The following CNBD1 variants were observed in gnomAD, a reference collection of about 807,000 sequenced individuals.
CNBD1 encodes cyclic nucleotide binding domain containing 1.
A neutral mutation model predicts 54.4 loss-of-function variants in CNBD1; 71 were observed. That is an observed-to-expected ratio of 1.30 (90% CI 1.08 to 1.59). The LOEUF (loss-of-function observed/expected upper bound fraction) is 1.59, where lower values mean the gene tolerates loss of function less well. Among genes scored for constraint, CNBD1 ranks in the 40% most tolerant of loss-of-function variants. The probability of loss-of-function intolerance (pLI) is 0.00; values close to 1 mark genes in which losing one functional copy is unlikely to be tolerated. For synonymous variants in CNBD1, 182 were observed against 170.7 expected (o/e 1.07, Z -0.51); for missense variants, 659 against 518.0 (o/e 1.27, Z -2.64).
chr8:87,092,591 T>A (rs1254200067), intron 4 of CNBD1, among the ~76,000 whole-genome samples: 1 of 150,556 alleles, frequency 6.6e-6, no homozygotes, highest in Non-Finnish European at 1.5e-5. Context: ...ATATATGTAT[T>A]TCCCCTCTCC....
chr8:87,172,788 T>C (rs1329912990), intron 4 of CNBD1, among the ~76,000 whole-genome samples: 2 of 152,128 alleles, frequency 1.3e-5, no homozygotes, highest in Non-Finnish European at 2.9e-5. Flanking sequence ...GTGTTTCTTG[T>C]AGGCAACAGA....
intron 1 of CNBD1, among the ~76,000 whole-genome samples, chr8:86,878,430 C>T (rs1808557422): frequency 6.6e-6 from 1 of 152,080 alleles, no homozygotes; most frequent in South Asian, 2.1e-4. Flanking sequence ...AAACAATATG[C>T]TCCTAATTTG....
Position 86,997,784 on chromosome 8 carries a change from A to G in CNBD1, c.431+58030A>G, listed in dbSNP as rs75500690. Among the ~76,000 whole-genome samples the G allele has an allele frequency of 2.4e-4, 37 of 151,962 alleles. No homozygotes were observed. The East Asian group carries it at 6.8e-3, about 28-fold the overall frequency. ...TGCTTATTTGACTTCCTGAGTCACAAATTTCCTTCAGACCCAGCGGGTGGC... is the reference window on the plus strand; with the variant it reads ...TGCTTATTTGACTTCCTGAGTCACAGATTTCCTTCAGACCCAGCGGGTGGC... On this transcript the variant is annotated intron_variant, in intron 4 of 10. Transcript: ENST00000518476.
chr8:87,388,545 AAC>A (rs1331259415), intron 2 of CNBD1, among the ~76,000 whole-genome samples: 1 of 152,184 alleles, frequency 6.6e-6, no homozygotes, highest in Non-Finnish European at 1.5e-5. Flanking sequence ...CCCAAGACTA[AAC>A]CAGGAAGAAG....
intron 8 of CNBD1, among the ~76,000 whole-genome samples, chr8:87,334,955 A>G (rs1310884262): frequency 6.6e-6 from 1 of 151,608 alleles, no homozygotes; most frequent in African/African-American, 2.4e-5. Context: ...CAGTCTCTTG[A>G]CCTCATGATC....
Position 87,235,359 on chromosome 8 carries a change from G to A in CNBD1, c.578-1560G>A, listed in dbSNP as rs568750620. Among the ~76,000 whole-genome samples the A allele has an allele frequency of 4.8e-4, 73 of 152,244 alleles. 1 individual carries two copies. Among genetic ancestry groups the A allele is most frequent in the South Asian group, 3.7e-3 (18 of 4,826 alleles). ...TTCAGCATATTTCATCTTTCAACGA[G>A]CCTTCCTTACTCAGGTTAATCATTT... On this transcript the variant is annotated intron_variant, in intron 5 of 10. Coordinates refer to ENST00000518476, the MANE Select transcript of CNBD1 (RefSeq NM_173538.3).
intron 10 of CNBD1, among the ~76,000 whole-genome samples, chr8:87,365,189 G>A (rs1810618309): frequency 6.6e-6 from 1 of 151,874 alleles, no homozygotes; most frequent in South Asian, 2.1e-4. Flanking sequence ...CAGTCAAAAT[G>A]GCTATTCTGA....
chr8:87,124,667 C>T (rs1378577799), intron 4 of CNBD1, among the ~76,000 whole-genome samples: 2 of 151,628 alleles, frequency 1.3e-5, no homozygotes, highest in Admixed American at 6.6e-5. Flanking sequence ...CAATAAAGGC[C>T]ATATATGACA....
intron 1 of CNBD1, among the ~76,000 whole-genome samples, chr8:86,869,753 T>G (rs1309638329): frequency 1.3e-5 from 2 of 152,142 alleles, no homozygotes; most frequent in African/African-American, 4.8e-5. Context: ...TTTTACCACC[T>G]AAGTGAAATG....
chr8:87,334,719 C>CTTTTTTTTTTTTTTTT (rs758083191), intron 8 of CNBD1, among the ~76,000 whole-genome samples: 2 of 126,146 alleles, frequency 1.6e-5, no homozygotes, highest in African/African-American at 3.1e-5. Context: ...TTTCTTTTTT[C>CTTTTTTTTTTTTTTTT]TTTTCTTTTT....
chr8:87,256,002 TATATA>T (rs1808006921), intron 6 of CNBD1, among the ~76,000 whole-genome samples: 3 of 17,756 alleles, frequency 1.7e-4, no homozygotes, highest in Non-Finnish European at 2.0e-4. Flanking sequence ...TATATATATA[TATATA>T]TATATATATT....
chr8:87,191,021 A>G (rs1298972783), intron 4 of CNBD1, among the ~76,000 whole-genome samples: 2 of 151,546 alleles, frequency 1.3e-5, no homozygotes, highest in Non-Finnish European at 2.9e-5. Flanking sequence ...ACTCTGTTAT[A>G]GTTTATTAAG....
In CNBD1 at chr8:86,966,019, C is replaced by T. The variant is rs138170789; in HGVS notation, c.431+26265C>T. Among the ~76,000 whole-genome samples the T allele has an allele frequency of 3.3e-5, 5 of 152,304 alleles. No homozygotes were observed. In the East Asian group the frequency reaches 9.7e-4, roughly 30 times the overall value. ...CATCCTCTGGTTGTCCTCTGCCCTT[C>T]TCTGGCTGAGCCCAGGGCTTTTATG... On this transcript the variant is annotated intron_variant, in intron 4 of 10. Coordinates refer to ENST00000518476, the MANE Select transcript of CNBD1 (RefSeq NM_173538.3).
At chr8:87,101,084 T>A (rs1409597235) in intron 4 of CNBD1, among the ~76,000 whole-genome samples, 1 of 152,228 alleles carries the variant, frequency 6.6e-6, no homozygotes, top group Non-Finnish European at 1.5e-5. Flanking sequence ...ACCTTTCAGA[T>A]AAAAGTTACT....
intron 4 of CNBD1, among the ~76,000 whole-genome samples, chr8:86,964,492 C>T (rs1563839728): frequency 6.6e-6 from 1 of 152,234 alleles, no homozygotes. Flanking sequence ...ACATGACATC[C>T]TTCCATGAGA....
chr8:87,048,709 C>T (rs908960054), intron 4 of CNBD1, among the ~76,000 whole-genome samples: 1 of 152,152 alleles, frequency 6.6e-6, no homozygotes. Flanking sequence ...TCTATCTATA[C>T]TAAAAGATAT....
chr8:87,186,737 T>C (rs1173403993), intron 4 of CNBD1, among the ~76,000 whole-genome samples: 1 of 152,078 alleles, frequency 6.6e-6, no homozygotes, highest in Non-Finnish European at 1.5e-5. Flanking sequence ...ATTCCCATTT[T>C]AAATTTATTA....
chr8:86,979,864 G>A (rs1331364709), intron 4 of CNBD1, among the ~76,000 whole-genome samples: 2 of 152,068 alleles, frequency 1.3e-5, no homozygotes, highest in East Asian at 3.9e-4. Context: ...GATGATATAA[G>A]AGCAATATGA....
chr8:87,060,890 C>T (rs1257295605), intron 4 of CNBD1, among the ~76,000 whole-genome samples: 1 of 152,016 alleles, frequency 6.6e-6, no homozygotes, highest in Admixed American at 6.6e-5. Context: ...TATATTGTAG[C>T]ATTTTTGCTT....
Sources: gnomAD v4.1 joint callset for allele counts (sites outside exome capture counted in the v4.1 genomes callset) on GRCh38, gnomAD v4.1.1 for gene constraint, MANE v1.5 for transcripts, NCBI Gene and HGNC (gene_info 2026-07-23, HGNC 2026-07-21) for gene names.